SENP7: variants seen among roughly 807,000 people sequenced by gnomAD.
The protein encoded by SENP7 is sentrin-specific protease 7.
In SENP7, 64 loss-of-function variants were observed where a neutral mutation model predicts 141.2. That is an observed-to-expected ratio of 0.45 (90% CI 0.37 to 0.56). The LOEUF is 0.56. SENP7 is among the 20% of genes least tolerant of loss of function. The pLI, the probability that SENP7 is intolerant of heterozygous loss-of-function variation, is 0.00. For missense variants in SENP7, 1,025 were observed against 1,212.2 expected (o/e 0.85, Z 2.29); for synonymous variants, 382 against 426.4 (o/e 0.90, Z 1.28).
At chr3:101,328,370 T>C (rs1263053316) in intron 22 of SENP7, 108 bp downstream of exon 22, 1 of 689,230 alleles carries the variant, frequency 1.5e-6, no homozygotes. Flanking sequence ...TTGAAATAGA[T>C]AATAAAATAT....
At chr3:101,467,948 TAAAAACCTTGA>T (rs953312698) in intron 3 of SENP7, among the ~76,000 whole-genome samples, 1 of 152,144 alleles carries the variant, frequency 6.6e-6, no homozygotes, top group African/African-American at 2.4e-5. Flanking sequence ...GCAAGGAAGC[TAAAAACCTTGA>T]AAAAACATTA....
Position 101,393,819 on chromosome 3 carries a change from A to C in SENP7, c.677+5042T>G, listed in dbSNP as rs79228272. Among the ~76,000 whole-genome samples the C allele has an allele frequency of 9.8e-3, 1,489 of 152,286 alleles. 29 individuals carry two copies. The highest frequency in any genetic ancestry group is 0.034 in the African/African-American group (1,407 of 41,548). The stretch of plus-strand genomic sequence containing the variant: ...AGTGTAAGAGGAAGCAGAAGTGCGC[A>C]AAAAGACTAAATAGGACAAACAGGT... On this transcript the variant is annotated intron_variant, in intron 6 of 23. Coordinates refer to ENST00000394095, the MANE Select transcript of SENP7 (RefSeq NM_020654.5).
chr3:101,411,146 C>A (rs1251802805), intron 5 of SENP7, among the ~76,000 whole-genome samples: 3 of 152,120 alleles, frequency 2.0e-5, no homozygotes, highest in Non-Finnish European at 4.4e-5. Context: ...AATAATATCT[C>A]CCTTACAAAG....
rs200742227 is a variant in SENP7 at position 101,479,606 on chromosome 3, C to CA, written c.186+14266dup. On this transcript the variant is annotated intron_variant, in intron 3 of 23. Coordinates refer to ENST00000394095, the MANE Select transcript of SENP7 (RefSeq NM_020654.5). ...CTTGGGTGACAGAGTGAAACTGTGT[C>CA]AAAAAAAAAAAAGAAAGACTCAGAT... Among the ~76,000 whole-genome samples the CA allele has an allele frequency of 3.5e-3, 427 of 122,898 alleles. 1 individual carries two copies. Among genetic ancestry groups the CA allele is most frequent in the Middle Eastern group, 9.4e-3 (2 of 212 alleles). The allele number at this position is 122,898 out of a possible 152,430, so 80.6% of individuals were successfully genotyped here.
intron 11 of SENP7, chr3:101,358,838 T>C (rs1306496445): frequency 1.3e-5 from 2 of 153,460 alleles, no homozygotes; most frequent in African/African-American, 4.8e-5. Flanking sequence ...TTTCACCTTG[T>C]TGGCCGTGCT....
rs116338137 is a variant in SENP7 at position 101,410,952 on chromosome 3, T to G, written c.482+6641A>C. 9.5e-3 allele frequency among the ~76,000 whole-genome samples: 1,448 copies of G among 152,198 alleles called. 21 individuals are homozygous for G. The highest frequency in any genetic ancestry group is 0.033 in the African/African-American group (1,371 of 41,536). On this transcript the variant is annotated intron_variant, in intron 5 of 23. Coordinates refer to ENST00000394095, the MANE Select transcript of SENP7 (RefSeq NM_020654.5). ...ACTTTACTGATGACAAAAATTAAAG[T>G]TCAGAAGGGTGAAAATGCAAAGAGA...
At chr3:101,342,736 G>C (rs972979122) in intron 14 of SENP7, among the ~76,000 whole-genome samples, 1 of 150,316 alleles carries the variant, frequency 6.7e-6, no homozygotes. Context: ...GCACAATCTC[G>C]ATCACTGCAA....
chr3:101,474,163 T>G (rs1365786480), intron 3 of SENP7, among the ~76,000 whole-genome samples: 6 of 152,216 alleles, frequency 3.9e-5, no homozygotes, highest in Non-Finnish European at 8.8e-5. Flanking sequence ...AGGATTGCCT[T>G]GACCATTCAG....
intron 15 of SENP7, among the ~76,000 whole-genome samples, chr3:101,341,279 A>G (rs1280252108): frequency 6.6e-6 from 1 of 152,230 alleles, no homozygotes; most frequent in Non-Finnish European, 1.5e-5. Context: ...ACTCCAAAGT[A>G]CCTTAAATTG....
chr3:101,471,397 G>A (rs2063988330), intron 3 of SENP7, among the ~76,000 whole-genome samples: 1 of 152,156 alleles, frequency 6.6e-6, no homozygotes, highest in Non-Finnish European at 1.5e-5. Flanking sequence ...AACAAGAAAT[G>A]GGGAAAGGAT....
intron 6 of SENP7, among the ~76,000 whole-genome samples, 173 bp downstream of exon 6, chr3:101,398,688 A>G (rs954370788): frequency 6.6e-6 from 1 of 152,218 alleles, no homozygotes; most frequent in African/African-American, 2.4e-5. Context: ...ACACATTATT[A>G]GCCATGGACT....
intron 5 of SENP7, among the ~76,000 whole-genome samples, chr3:101,406,262 G>A (rs1370052236): frequency 6.6e-6 from 1 of 152,120 alleles, no homozygotes; most frequent in Non-Finnish European, 1.5e-5. Context: ...CATAAAAAAG[G>A]ATGAGTTCAT....
intron 3 of SENP7, among the ~76,000 whole-genome samples, chr3:101,462,741 G>T (rs1360529102): frequency 6.6e-6 from 1 of 151,824 alleles, no homozygotes; most frequent in African/African-American, 2.4e-5. Context: ...GGTGGTGCAT[G>T]CCTGTAGTCC....
intron 3 of SENP7, among the ~76,000 whole-genome samples, chr3:101,471,666 C>G (rs1380467505): frequency 3.3e-5 from 5 of 152,198 alleles, no homozygotes; most frequent in Non-Finnish European, 7.3e-5. Flanking sequence ...TCTAATTAAA[C>G]TAAAGAGCCT....
chr3:101,512,844 G>A (rs1340632542), intron 1 of SENP7, among the ~76,000 whole-genome samples: 1 of 152,172 alleles, frequency 6.6e-6, no homozygotes, highest in African/African-American at 2.4e-5. Flanking sequence ...GGTGTTCGCG[G>A]GAGGAGGGAA....
chr3:101,366,553 A>G lies in SENP7; in HGVS notation c.1195T>C (p.Ser399Pro). 1 of 1,613,862 alleles carries G rather than the reference A, an allele frequency of 6.2e-7. No individual in the cohort carries two copies. The highest frequency in any genetic ancestry group is 1.1e-5 in the South Asian group (1 of 91,064). ...STTETVENSN[S>P]IDIVGISSLV... ...GAAGAAATCCCCACAATATCAATGG[A>G]ATTAGAGTTCTCAACGGTTTCAGTG... The change falls in exon 9 of 24, where the codon TCC (serine) becomes CCC (proline). Residue 399 changes from serine (S) to proline (P), a missense_variant. Physicochemically the swap from Ser to Pro is moderately conservative, Grantham distance 74 (BLOSUM62 -1). Coordinates refer to ENST00000394095, the MANE Select transcript of SENP7 (RefSeq NM_020654.5).
At chr3:101,401,718 A>G (rs780922296) in intron 5 of SENP7, among the ~76,000 whole-genome samples, 1 of 152,174 alleles carries the variant, frequency 6.6e-6, no homozygotes, top group Non-Finnish European at 1.5e-5. Flanking sequence ...AATTCTATGA[A>G]GACTGAGAGA....
intron 4 of SENP7, 49 bp downstream of exon 4, chr3:101,458,906 C>A: frequency 9.0e-7 from 1 of 1,107,418 alleles, no homozygotes; most frequent in South Asian, 1.4e-5. Flanking sequence ...CATTTATGGT[C>A]AACTTTATAG....
At chr3:101,393,767 T>C (rs2060882358) in intron 6 of SENP7, among the ~76,000 whole-genome samples, 1 of 152,210 alleles carries the variant, frequency 6.6e-6, no homozygotes, top group Non-Finnish European at 1.5e-5. Context: ...TAGTGAGGGC[T>C]TCCTGCTCTT....
Sources: allele counts gnomAD v4.1 joint callset (sites outside exome capture counted in the v4.1 genomes callset), GRCh38; gene constraint gnomAD v4.1.1; transcripts MANE v1.5; gene names NCBI Gene and HGNC (gene_info 2026-07-23, HGNC 2026-07-21).